Variants in SPINT2 observed in about 807,000 individuals in gnomAD.
SPINT2 encodes serine peptidase inhibitor, Kunitz type 2.
Under a neutral mutation model 30.1 loss-of-function variants are expected in SPINT2, and 18 were observed. The ratio of observed to expected loss-of-function variants is 0.60; its 90% CI spans 0.41 to 0.89. SPINT2 has a LOEUF of 0.89. Among genes scored for constraint, SPINT2 ranks in the 40% least tolerant of loss-of-function variants. SPINT2 has a pLI of 0.00. For synonymous variants in SPINT2, 139 were observed against 137.9 expected (o/e 1.01, Z -0.05); for missense variants, 276 against 334.3 (o/e 0.83, Z 1.36).
chr19:38,279,496 T>C (rs1247961338), intron 1 of SPINT2, among the ~76,000 whole-genome samples: 1 of 151,220 alleles, frequency 6.6e-6, no homozygotes, highest in Non-Finnish European at 1.5e-5. Flanking sequence ...AAACTCCATC[T>C]TAAAAAAAAA....
intron 1 of SPINT2, among the ~76,000 whole-genome samples, chr19:38,280,307 G>A (rs1487309128): frequency 6.6e-6 from 1 of 152,174 alleles, no homozygotes; most frequent in Admixed American, 6.6e-5. Flanking sequence ...TTCTGTTGGT[G>A]AGAATGTTCT....
chr19:38,269,607 C>CTTTTTT (rs1189751582), intron 1 of SPINT2, among the ~76,000 whole-genome samples: 62 of 106,144 alleles, frequency 5.8e-4, no homozygotes, highest in Non-Finnish European at 8.7e-4. Flanking sequence ...GATTTCTTTT[C>CTTTTTT]TTTTTTTTTT....
chr19:38,272,530 C>T (rs916656429), intron 1 of SPINT2, among the ~76,000 whole-genome samples: 1 of 152,060 alleles, frequency 6.6e-6, no homozygotes, highest in Admixed American at 6.6e-5. Context: ...TGGCTGAATG[C>T]GAATTAACAG....
chr19:38,275,417 T>C (rs34508901), intron 1 of SPINT2, among the ~76,000 whole-genome samples: 21,988 of 151,958 alleles, frequency 0.14, 1,906 homozygotes, highest in East Asian at 0.37. Context: ...CTCCGCCTCC[T>C]GAGTTCAAGT....
intron 1 of SPINT2, among the ~76,000 whole-genome samples, chr19:38,269,311 AG>A (rs1260506562): frequency 6.6e-6 from 1 of 150,964 alleles, no homozygotes; most frequent in African/African-American, 2.4e-5. Flanking sequence ...CGTGTTAGCC[AG>A]GATGGTTCAA....
chr19:38,268,760 C>T (rs1052046668), intron 1 of SPINT2, among the ~76,000 whole-genome samples: 1 of 126,046 alleles, frequency 7.9e-6, no homozygotes. Context: ...AGAGCATGCG[C>T]GCGCGCGTGT....
At chr19:38,274,059 C>T (rs1568339467) in intron 1 of SPINT2, among the ~76,000 whole-genome samples, 2 of 151,894 alleles carry the variant, frequency 1.3e-5, no homozygotes. Flanking sequence ...GGTGAAACCT[C>T]GTTTCTACAA....
intron 1 of SPINT2, among the ~76,000 whole-genome samples, chr19:38,265,987 C>T (rs183852186): frequency 6.4e-4 from 97 of 152,256 alleles, no homozygotes; most frequent in South Asian, 2.1e-3. Flanking sequence ...AACAGGGTGA[C>T]GTAAGATGTT....
At chr19:38,289,343 A>G (rs941825933) in intron 4 of SPINT2, 152 bp downstream of exon 4, 6 of 636,698 alleles carry the variant, frequency 9.4e-6, no homozygotes, top group African/African-American at 5.4e-5. Flanking sequence ...AATTAGCTGG[A>G]CGTAGTGGCA....
At chr19:38,268,764 C>CGTGTGT (rs1317352177) in intron 1 of SPINT2, among the ~76,000 whole-genome samples, 16,755 of 141,108 alleles carry the variant, frequency 0.12, 986 homozygotes, top group East Asian at 0.16. Flanking sequence ...CATGCGCGCG[C>CGTGTGT]GCGTGTGTGT....
chr19:38,291,105 C>G (rs1487623550), intron 6 of SPINT2: 1 of 214,606 alleles, frequency 4.7e-6, no homozygotes, highest in Non-Finnish European at 9.5e-6. Flanking sequence ...CAGGACCTGG[C>G]CTGCGAGTCT....
At chr19:38,281,080 CTTG>C (rs1427039892) in intron 1 of SPINT2, among the ~76,000 whole-genome samples, 1 of 152,134 alleles carries the variant, frequency 6.6e-6, no homozygotes, top group African/African-American at 2.4e-5. Flanking sequence ...TTCATCTCGT[CTTG>C]TTGGTGGCAG....
chr19:38,265,248 A>G (rs887685005), intron 1 of SPINT2: 7 of 399,026 alleles, frequency 1.8e-5, no homozygotes, highest in Non-Finnish European at 1.9e-5. Flanking sequence ...GTCAAGGGGT[A>G]TTGACCAAGA....
chr19:38,287,079 AATG>A, intron 2 of SPINT2, among the ~76,000 whole-genome samples: 1 of 152,088 alleles, frequency 6.6e-6, no homozygotes, highest in Non-Finnish European at 1.5e-5. Context: ...TGCAATGGTC[AATG>A]GTGTGATCTC....
chr19:38,280,748 G>GGT (rs1789720387), intron 1 of SPINT2, among the ~76,000 whole-genome samples: 1 of 152,200 alleles, frequency 6.6e-6, no homozygotes, highest in Admixed American at 6.5e-5. Context: ...TTCATTCTCA[G>GGT]GTGTGGTGTC....
Position 38,287,917 on chromosome 19 carries a change from G to T in SPINT2, c.319G>T (p.Asp107Tyr). ...GDLATSRNAA[D>Y]SSVPSAPRRQ... Reference sequence around the variant, plus strand: ...CCTGGCCACCAGCAGGAATGCAGCGGATTCCTCTGTCCCAAGTGGTAGGTT... The same window carrying T: ...CCTGGCCACCAGCAGGAATGCAGCGTATTCCTCTGTCCCAAGTGGTAGGTT... Residue 107 changes from aspartate (D) to tyrosine (Y), a missense_variant, in exon 3 of 7, where the codon GAT (aspartate) becomes TAT (tyrosine). Asp to Tyr is a radical substitution (Grantham distance 160). Transcript: ENST00000301244. 2 of 1,614,174 alleles carry T rather than the reference G, an allele frequency of 1.2e-6. No individual in the cohort carries two copies. Among genetic ancestry groups the T allele is most frequent in the Non-Finnish European group, 1.7e-6 (2 of 1,179,998 alleles).
intron 1 of SPINT2, among the ~76,000 whole-genome samples, chr19:38,269,423 T>TTG (rs1968421746): frequency 1.0e-5 from 1 of 97,916 alleles, no homozygotes; most frequent in African/African-American, 4.3e-5. Context: ...TTTTTTTTTT[T>TTG]GAGACAGAGT....
In SPINT2 at chr19:38,290,033, C is replaced by A. The variant is rs1317473460; in HGVS notation, c.392-86C>A. The A allele has an allele frequency of 6.8e-7, 1 of 1,463,516 alleles. No homozygotes were observed. Among genetic ancestry groups the A allele is most frequent in the African/African-American group, 1.4e-5 (1 of 71,972 alleles). 90.7% of individuals were successfully genotyped at this position (1,463,516 alleles called of 1,614,324 possible). On this transcript the variant is annotated intron_variant, in intron 4 of 6. Coordinates refer to ENST00000301244, the MANE Select transcript of SPINT2 (RefSeq NM_021102.4). This position sits in a 1 kb window ranked among gnomAD's most constrained non-coding sequence, Gnocchi z 4.3. ...GAGATGTTTCTCCGTCTGCTGGAGC[C>A]GCAAGCCTCCTCAGGCACTTTCTGG...
In SPINT2 at chr19:38,291,995, T is replaced by A. The variant is rs1166163587; in HGVS notation, c.748T>A (p.Tyr250Asn). The change falls in exon 7 of 7, where the codon TAT becomes AAT. Residue 250 changes from tyrosine (Y) to asparagine (N), a missense_variant. Physicochemically the swap from Tyr to Asn is moderately radical, Grantham distance 143. Transcript: ENST00000301244. ...CAAGGAGCAGCTGGTGAAGAACACA[T>A]ATGTCCTGTGACCGCCCTGTCGCCA... ...DDKEQLVKNT[Y>N]VL 2 of 1,613,906 alleles carry A rather than the reference T, an allele frequency of 1.2e-6. No individual in the cohort carries two copies. Among genetic ancestry groups the A allele is most frequent in the African/African-American group, 2.7e-5 (2 of 74,924 alleles).
Sources: gnomAD v4.1 joint callset for allele counts (sites outside exome capture counted in the v4.1 genomes callset) on GRCh38, gnomAD v4.1.1 for gene constraint, Gnocchi (gnomAD v3.1) non-coding constraint, MANE v1.5 for transcripts, NCBI Gene and HGNC (gene_info 2026-07-23, HGNC 2026-07-21) for gene names.